The following FAHD1 variants were observed in gnomAD, a reference collection of about 807,000 sequenced individuals.
The protein encoded by FAHD1 is oxaloacetate tautomerase FAHD1, mitochondrial.
In FAHD1, 14 loss-of-function variants were observed where a neutral mutation model predicts 12.7. The ratio of observed to expected loss-of-function variants is 1.10; its 90% CI spans 0.73 to 1.72. The LOEUF (loss-of-function observed/expected upper bound fraction) is 1.72, where lower values mean the gene tolerates loss of function less well. FAHD1 is among the 40% of genes most tolerant of loss of function. FAHD1 has a pLI of 0.00. For missense variants in FAHD1, 351 were observed against 298.9 expected (o/e 1.17, Z -1.29); for synonymous variants, 153 against 124.9 (o/e 1.22, Z -1.50).
intron 1 of FAHD1, chr16:1,837,998 G>A (rs777123699): frequency 2.0e-5 from 29 of 1,435,948 alleles, no homozygotes; most frequent in South Asian, 3.1e-5. Context: ...CAGCTCAATC[G>A]TTTGTTTTTG....
Position 1,834,990 on chromosome 16 carries a change from C to T in FAHD1, c.628-3026C>T, listed in dbSNP as rs1201591775. On this transcript the variant is annotated intron_variant, in intron 1 of 2. Coordinates refer to the FAHD1 transcript ENST00000382666. ...TAATGCAGGGCTGGGTGAGGTGGCT[C>T]ATGCCTGTAATCCCAGCACTTTGGG... is the stretch of plus-strand genomic sequence containing the variant. Among the ~76,000 whole-genome samples the T allele has an allele frequency of 5.0e-5, 7 of 140,958 alleles. No homozygotes were observed. The South Asian group carries it at 9.7e-4, about 19-fold the overall frequency. 92.5% of individuals were successfully genotyped at this position (140,958 alleles called of 152,430 possible). A position where few individuals can be genotyped will look rare whatever the true frequency, so the allele number is the denominator to read the frequency against.
At chr16:1,828,836 C>G (rs1032449362) in exon 1 of FAHD1, 10 of 998,784 alleles carry the variant, frequency 1.0e-5, no homozygotes, top group Non-Finnish European at 1.2e-5. Context: ...AGGGTATCTA[C>G]CCAGACCCAT....
intron 1 of FAHD1, chr16:1,834,514 A>G (rs1277088329): frequency 1.9e-6 from 1 of 537,534 alleles, no homozygotes; most frequent in East Asian, 3.1e-5. Flanking sequence ...GAGCTGTAAG[A>G]TGATGGGAAG....
intron 1 of FAHD1, among the ~76,000 whole-genome samples, chr16:1,834,843 G>A (rs977322240): frequency 6.6e-6 from 1 of 152,214 alleles, no homozygotes; most frequent in Non-Finnish European, 1.5e-5. Context: ...GCTGAGGCAG[G>A]AGAATCCCTT....
At chr16:1,837,251 T>G (rs62038400) in intron 1 of FAHD1, among the ~76,000 whole-genome samples, 1 of 151,942 alleles carries the variant, frequency 6.6e-6, no homozygotes, top group African/African-American at 2.4e-5. Context: ...GGGATTAGGA[T>G]TCAGACCAAA....
intron 1 of FAHD1, chr16:1,834,388 G>T (rs1469693953): frequency 3.1e-6 from 4 of 1,290,854 alleles, no homozygotes; most frequent in East Asian, 2.3e-5. Flanking sequence ...AACAGAAAAA[G>T]AGACAAAAGG....
At chr16:1,831,829 G>T (rs1209090330), downstream of FAHD1, among the ~76,000 whole-genome samples, 1 of 152,156 alleles carries the variant, frequency 6.6e-6, no homozygotes, top group Non-Finnish European at 1.5e-5. Context: ...GAGGGATCTA[G>T]GTTGCGCACT....
chr16:1,836,237 T>C (rs1356107218), intron 1 of FAHD1, among the ~76,000 whole-genome samples: 1 of 152,230 alleles, frequency 6.6e-6, no homozygotes, highest in Non-Finnish European at 1.5e-5. Flanking sequence ...AAATACTGTG[T>C]TACCTAATGC....
At chr16:1,827,443 C>T (rs763017079) in exon 1 of FAHD1, 1 of 1,610,630 alleles carries the variant, frequency 6.2e-7, no homozygotes, top group South Asian at 1.1e-5. Context: ...GCACCACGAG[C>T]TGGAGCTGGG....
chr16:1,835,262 CAA>C (rs372656598), intron 1 of FAHD1, among the ~76,000 whole-genome samples: 12 of 106,116 alleles, frequency 1.1e-4, no homozygotes, highest in South Asian at 2.8e-4. Context: ...GACTGTGTCT[CAA>C]AAAAAAAAAA....
At chr16:1,827,223 G>T in exon 1 of FAHD1, 1 of 1,595,020 alleles carries the variant, frequency 6.3e-7, no homozygotes, top group Non-Finnish European at 8.6e-7. Flanking sequence ...GACTACAGGG[G>T]CACTTGATGG....
At position 1,827,877 on chromosome 16, in the gene FAHD1, A is replaced by G. The variant is rs565822052; in HGVS notation, c.639A>G (p.Thr213=). 1.2e-5 allele frequency: 19 copies of G among 1,613,582 alleles called. No homozygotes were observed. In the Admixed American group the frequency reaches 3.0e-4, roughly 25 times the overall value. ...GCATACACGGGCTGGTCAGTATGACATTTAAAGTGGAAAAGCCAGAATATT... is the reference window on the plus strand; with the variant it reads ...GCATACACGGGCTGGTCAGTATGACGTTTAAAGTGGAAAAGCCAGAATATT... The change falls in exon 1 of 1, where the codon ACA becomes ACG. Residue 213 remains threonine, a synonymous_variant. Coordinates refer to ENST00000427358, the Ensembl canonical transcript of FAHD1.
exon 1 of FAHD1, chr16:1,827,269 T>C (rs374169944): frequency 1.2e-6 from 2 of 1,612,086 alleles, no homozygotes; most frequent in South Asian, 1.1e-5. Context: ...GTCCCGCTTC[T>C]GGGAGTGGGG....
intron 1 of FAHD1, among the ~76,000 whole-genome samples, chr16:1,835,600 T>C (rs962927816): frequency 2.6e-5 from 4 of 152,214 alleles, no homozygotes; most frequent in African/African-American, 9.7e-5. Flanking sequence ...TGTGGTAGTC[T>C]GACATTGGCT....
intron 1 of FAHD1, among the ~76,000 whole-genome samples, chr16:1,837,009 A>T (rs1898765988): frequency 6.6e-6 from 1 of 152,054 alleles, no homozygotes; most frequent in Non-Finnish European, 1.5e-5. Context: ...CTCACCTGTG[A>T]CCCAGTGCAA....
At chr16:1,828,622 A>G (rs1898560828) in exon 1 of FAHD1, 6 of 993,914 alleles carry the variant, frequency 6.0e-6, no homozygotes, top group South Asian at 4.7e-5. Context: ...AAGCATTTGT[A>G]AAAATAAAAA....
chr16:1,837,786 T>G (rs1233362538), intron 1 of FAHD1: 3 of 1,485,246 alleles, frequency 2.0e-6, no homozygotes, highest in Non-Finnish European at 2.7e-6. Context: ...GCACTAACTT[T>G]TAAATAAATT....
chr16:1,827,752 T>C, exon 1 of FAHD1: 1 of 1,614,116 alleles, frequency 6.2e-7, no homozygotes, highest in Non-Finnish European at 8.5e-7. Flanking sequence ...CATCATCAGC[T>C]ATGTTTCTAA....
chr16:1,839,300 G>T (rs1385618274), exon 3 of FAHD1: 1 of 1,613,992 alleles, frequency 6.2e-7, no homozygotes, highest in Admixed American at 1.7e-5. Flanking sequence ...TGAGACTACA[G>T]GAATGAAGGG....
Sources: gnomAD v4.1 joint callset for allele counts (sites outside exome capture counted in the v4.1 genomes callset) on GRCh38, gnomAD v4.1.1 for gene constraint, MANE v1.5 for transcripts, NCBI Gene and HGNC (gene_info 2026-07-23, HGNC 2026-07-21) for gene names.